SORBS2: variants seen among roughly 807,000 people sequenced by gnomAD.
SORBS2 encodes the protein sorbin and SH3 domain containing 2.
Under a neutral mutation model 97.7 loss-of-function variants are expected in SORBS2, and 46 were observed. The observed-to-expected ratio is 0.47, with a 90% CI of 0.37 to 0.60. The LOEUF (loss-of-function observed/expected upper bound fraction) is 0.60, where lower values mean the gene tolerates loss of function less well. SORBS2 is among the 20% of genes least tolerant of loss of function. SORBS2 has a pLI of 0.00. For synonymous variants in SORBS2, 476 were observed against 473.4 expected, an observed-to-expected ratio of 1.01 and a Z score of -0.07; for missense variants, 1,316 against 1,282.3, an observed-to-expected ratio of 1.03 and a Z score of -0.40.
intron 1 of SORBS2, among the ~76,000 whole-genome samples, chr4:185,834,406 T>C (rs1303682559): frequency 6.6e-6 from 1 of 152,184 alleles, no homozygotes; most frequent in African/African-American, 2.4e-5. Context: ...ACACATACTT[T>C]ATGGTGTATT....
intron 1 of SORBS2, among the ~76,000 whole-genome samples, chr4:185,802,676 T>C (rs1454833875): frequency 1.3e-5 from 2 of 152,228 alleles, no homozygotes; most frequent in African/African-American, 4.8e-5. Context: ...CCAGATACTG[T>C]GGGCCACTTG....
At chr4:185,646,934 C>T in intron 3 of SORBS2, 152 bp from the exon 13 acceptor site, 2 of 601,328 alleles carry the variant, frequency 3.3e-6, no homozygotes, top group Non-Finnish European at 2.9e-6. Flanking sequence ...ATACCACATT[C>T]CCCCGCCACT....
intron 1 of SORBS2, chr4:185,811,858 G>T (rs559455480): frequency 6.6e-6 from 1 of 152,484 alleles, no homozygotes; most frequent in South Asian, 2.1e-4. Context: ...CCACAGCCAC[G>T]CACAGGACCA....
intron 2 of SORBS2, among the ~76,000 whole-genome samples, chr4:185,748,939 G>A (rs1315111801): frequency 1.3e-5 from 2 of 152,138 alleles, no homozygotes; most frequent in Admixed American, 6.5e-5. Flanking sequence ...CTTGGATGAG[G>A]ACCTGGGGAA....
chr4:185,596,987 G>A (rs1034583993), intron 12 of SORBS2, among the ~76,000 whole-genome samples: 34 of 152,144 alleles, frequency 2.2e-4, no homozygotes, highest in African/African-American at 8.2e-4. Flanking sequence ...CAGAGAAGTT[G>A]TGTGTGTCTT....
At chr4:185,619,996 T>G in intron 8 of SORBS2, 67 bp downstream of exon 20, 1 of 944,376 alleles carries the variant, frequency 1.1e-6, no homozygotes, top group Admixed American at 1.7e-5. Flanking sequence ...TTGGGATAAT[T>G]TTTGGCTGGT....
intron 1 of SORBS2, among the ~76,000 whole-genome samples, chr4:185,867,886 G>A (rs1262833188): frequency 6.6e-6 from 1 of 152,090 alleles, no homozygotes; most frequent in African/African-American, 2.4e-5. Context: ...GCATTACACA[G>A]CTAACCCTCA....
chr4:185,800,259 C>G (rs1193464070), intron 1 of SORBS2, among the ~76,000 whole-genome samples: 1 of 152,132 alleles, frequency 6.6e-6, no homozygotes, highest in African/African-American at 2.4e-5. Context: ...AACATATTCC[C>G]CTCAATGAAA....
intron 1 of SORBS2, among the ~76,000 whole-genome samples, chr4:185,790,230 C>T (rs1040317732): frequency 1.3e-5 from 2 of 152,086 alleles, no homozygotes; most frequent in African/African-American, 4.8e-5. Flanking sequence ...CACTTATCTC[C>T]ACTCACTGCT....
intron 2 of SORBS2, chr4:185,757,210 G>T: frequency 3.1e-6 from 1 of 325,278 alleles, no homozygotes; most frequent in Admixed American, 4.2e-5. Flanking sequence ...CTTTTATTCT[G>T]ACATAAGATA....
At chr4:185,652,518 G>A in intron 2 of SORBS2, 144 bp downstream of exon 10, 1 of 682,340 alleles carries the variant, frequency 1.5e-6, no homozygotes, top group South Asian at 1.8e-5. Flanking sequence ...GTGACAGAAG[G>A]AGAACAGGAG....
At chr4:185,746,442 G>A (rs1309867071) in intron 2 of SORBS2, among the ~76,000 whole-genome samples, 2 of 152,048 alleles carry the variant, frequency 1.3e-5, no homozygotes, top group Non-Finnish European at 2.9e-5. Context: ...TCAGCCTCCC[G>A]AGTAGCTGGG....
intron 4 of SORBS2, among the ~76,000 whole-genome samples, chr4:185,673,662 T>C (rs1294399275): frequency 6.6e-6 from 1 of 152,210 alleles, no homozygotes; most frequent in Non-Finnish European, 1.5e-5. Context: ...CCCTGTTTTA[T>C]AGATGAGAAA....
chr4:185,626,019 T>C (rs2096804910), intron 6 of SORBS2, among the ~76,000 whole-genome samples: 1 of 152,236 alleles, frequency 6.6e-6, no homozygotes, highest in African/African-American at 2.4e-5. Flanking sequence ...GGGTCCCACA[T>C]TTGGTAGAGC....
intron 1 of SORBS2, among the ~76,000 whole-genome samples, chr4:185,851,699 G>T (rs1217782527): frequency 6.6e-6 from 1 of 152,126 alleles, no homozygotes; most frequent in East Asian, 1.9e-4. Flanking sequence ...CTAATCAGCT[G>T]CCAGCACGGC....
intron 1 of SORBS2, among the ~76,000 whole-genome samples, chr4:185,919,047 G>A (rs1262557412): frequency 1.3e-5 from 2 of 152,184 alleles, no homozygotes; most frequent in Admixed American, 6.5e-5. Context: ...CATCAGTGTA[G>A]TATTTGCATA....
At chr4:185,715,742 A>G (rs1285928205) in intron 2 of SORBS2, among the ~76,000 whole-genome samples, 3 of 152,228 alleles carry the variant, frequency 2.0e-5, no homozygotes, top group African/African-American at 7.2e-5. Flanking sequence ...TGCAGGAGTG[A>G]CAGCTCCATC....
intron 1 of SORBS2, among the ~76,000 whole-genome samples, chr4:185,946,643 C>T (rs193001395): frequency 2.0e-5 from 3 of 152,262 alleles, no homozygotes; most frequent in African/African-American, 7.2e-5. Flanking sequence ...TCTCCTCATC[C>T]ACCCTGCTTC....
chr4:185,701,569 A>C (rs941609620), intron 2 of SORBS2, among the ~76,000 whole-genome samples: 1 of 152,224 alleles, frequency 6.6e-6, no homozygotes, highest in South Asian at 2.1e-4. Flanking sequence ...CGCTGGGACC[A>C]CATGCATTTA....
Sources: allele counts gnomAD v4.1 joint callset (sites outside exome capture counted in the v4.1 genomes callset), GRCh38; gene constraint gnomAD v4.1.1; transcripts MANE v1.5; gene names NCBI Gene and HGNC (gene_info 2026-07-23, HGNC 2026-07-21).